Variants in POTEF observed in about 807,000 individuals in gnomAD.
POTEF encodes the protein ANKRD26-like family C member 1B.
Under a neutral mutation model 83.2 loss-of-function variants are expected in POTEF, and 20 were observed. The observed-to-expected ratio is 0.24, with a 90% CI of 0.17 to 0.35. The LOEUF (loss-of-function observed/expected upper bound fraction) is 0.35. Among genes scored for constraint, POTEF ranks in the 10% least tolerant of loss-of-function variants. POTEF has a pLI of 1.00. For missense variants in POTEF, 550 were observed against 1,203.2 expected, an observed-to-expected ratio of 0.46 and a Z score of 8.03; for synonymous variants, 196 against 446.4, an observed-to-expected ratio of 0.44 and a Z score of 7.07.
chr2:130,125,736 T>C (rs1379407826), intron 2 of POTEF, among the ~76,000 whole-genome samples: 1 of 151,916 alleles, frequency 6.6e-6, no homozygotes, highest in Non-Finnish European at 1.5e-5. Context: ...TGAAACCCCA[T>C]CTCTACTAAA....
chr2:130,108,292 A>T (rs1460992516), intron 7 of POTEF, among the ~76,000 whole-genome samples: 4 of 151,276 alleles, frequency 2.6e-5, no homozygotes, highest in Non-Finnish European at 2.9e-5. Context: ...TCATAAATCG[A>T]GGGCACTGTG....
chr2:130,105,459 T>G (rs1684498966), intron 8 of POTEF, among the ~76,000 whole-genome samples: 1 of 151,534 alleles, frequency 6.6e-6, no homozygotes, highest in African/African-American at 2.4e-5. Flanking sequence ...CTTTGTCTCC[T>G]GGTTTCTTTA....
rs556688388 is a variant in POTEF at position 130,128,374 on chromosome 2, G to A, written c.-249-510C>T. 1.4e-4 allele frequency among the ~76,000 whole-genome samples: 22 copies of A among 152,016 alleles called. No individual in the cohort carries two copies. In the South Asian group the frequency reaches 2.3e-3, roughly 16 times the overall value. On this transcript the variant is annotated intron_variant, in intron 1 of 16. Transcript: ENST00000409914. ...AGTCTGGAAAAGAGAAGAGTCACCC[G>A]AAGGAGCAAGGAGACCATGGCTGTT...
chr2:130,104,966 C>T (rs1305474316), intron 8 of POTEF, among the ~76,000 whole-genome samples: 2 of 150,868 alleles, frequency 1.3e-5, no homozygotes, highest in Admixed American at 6.6e-5. Context: ...CATAGAAAAA[C>T]ATTAGTCATT....
chr2:130,127,324 C>CAAAAAA (rs57173649), intron 2 of POTEF, among the ~76,000 whole-genome samples: 1 of 12,442 alleles, frequency 8.0e-5, no homozygotes, highest in African/African-American at 3.3e-4. Flanking sequence ...GACTCTGTCT[C>CAAAAAA]AAAAAAAAAA....
intron 3 of POTEF, among the ~76,000 whole-genome samples, chr2:130,117,289 A>G (rs538849829): frequency 2.9e-4 from 44 of 152,088 alleles, no homozygotes; most frequent in Admixed American, 1.2e-3. Flanking sequence ...GAAGAGGGTA[A>G]AAGTTCACGG....
At chr2:130,111,184 C>A (rs943702428) in intron 6 of POTEF, among the ~76,000 whole-genome samples, 2 of 150,704 alleles carry the variant, frequency 1.3e-5, no homozygotes, top group African/African-American at 2.5e-5. Flanking sequence ...CTTACTTATG[C>A]ACAGCCAACT....
chr2:130,075,399 T>G lies in POTEF; in HGVS notation c.2073A>C (p.Leu691Phe). The G allele has an allele frequency of 6.2e-7, 1 of 1,611,748 alleles. No individual in the cohort carries two copies. Among genetic ancestry groups the G allele is most frequent in the Admixed American group, 1.7e-5 (1 of 59,964 alleles). Residue 691 changes from leucine (L) to phenylalanine (F), a missense_variant, in exon 17 of 17, where the codon TTA (leucine) becomes TTC (phenylalanine). Transcript: ENST00000409914. ...TGAGCTCATTCAATTGTAGAGCCTT[T>G]AAAAGATTATCATTCCTTTTTTTCA... is the stretch of plus-strand genomic sequence containing the variant. ...ESVKKRNDNL[L>F]KALQLNELTM...
rs187640440 is a variant in POTEF at position 130,114,292 on chromosome 2, C to T, written c.810+589G>A. Among the ~76,000 whole-genome samples the T allele has an allele frequency of 2.0e-3, 298 of 151,970 alleles. 6 individuals are homozygous for T. Among genetic ancestry groups the T allele is most frequent in the African/African-American group, 6.7e-3 (278 of 41,302 alleles). On this transcript the variant is annotated intron_variant, in intron 5 of 16. Coordinates refer to ENST00000409914, the MANE Select transcript of POTEF (RefSeq NM_001099771.2). Reference sequence around the variant, plus strand: ...AAGGAAACAAATCAGTCAACAACAACAACAACACACACACACACAACCTCT... The same window carrying T: ...AAGGAAACAAATCAGTCAACAACAATAACAACACACACACACACAACCTCT...
In POTEF at chr2:130,107,377, C is replaced by A. The variant is rs529219425; in HGVS notation, c.1126+632G>T. ...ATTGGGACAAGCATATGTAACATGA[C>A]TTGTGCTTCAGTGTTCTTTTGTGAT... On this transcript the variant is annotated intron_variant, in intron 8 of 16. Transcript: ENST00000409914. Among the ~76,000 whole-genome samples the A allele has an allele frequency of 2.5e-3, 377 of 151,036 alleles. 25 individuals are homozygous for A. Among genetic ancestry groups the A allele is most frequent in the African/African-American group, 8.8e-3 (356 of 40,416 alleles).
At chr2:130,128,326 G>A (rs1248744621) in intron 1 of POTEF, among the ~76,000 whole-genome samples, 1 of 151,916 alleles carries the variant, frequency 6.6e-6, no homozygotes, top group African/African-American at 2.4e-5. Context: ...CCCTGCTCAA[G>A]ATTGCACCAG....
chr2:130,113,981 G>T (rs1573612607), intron 5 of POTEF, among the ~76,000 whole-genome samples: 2 of 152,112 alleles, frequency 1.3e-5, no homozygotes. Context: ...ACTTGATCTT[G>T]TTACTTGTTT....
At chr2:130,119,068 C>T (rs2104826248) in intron 3 of POTEF, among the ~76,000 whole-genome samples, 1 of 151,844 alleles carries the variant, frequency 6.6e-6, no homozygotes, top group African/African-American at 2.4e-5. Flanking sequence ...ATTAATTTAT[C>T]ACAATAATAA....
chr2:130,119,186 C>CG (rs1684929644), intron 3 of POTEF, among the ~76,000 whole-genome samples: 1 of 138,596 alleles, frequency 7.2e-6, no homozygotes, highest in Admixed American at 7.4e-5. Context: ...TTTTTTGAAA[C>CG]GGAGTCTCGC....
rs1424343157 is a variant in POTEF at position 130,125,540 on chromosome 2, TAA to T, written c.-94+2167_-94+2168del. 2.0e-5 allele frequency among the ~76,000 whole-genome samples: 3 copies of T among 149,322 alleles called. No individual in the cohort carries two copies. In the South Asian group the frequency reaches 6.3e-4, roughly 32 times the overall value. On this transcript the variant is annotated intron_variant, in intron 2 of 16. Coordinates refer to ENST00000409914, the MANE Select transcript of POTEF (RefSeq NM_001099771.2). ...TCTAGAGGAATCAGTAAAATAAAGA[TAA>T]AAAGTTCACACCTAAAGTAGTAATA... is the stretch of plus-strand genomic sequence containing the variant.
intron 3 of POTEF, among the ~76,000 whole-genome samples, chr2:130,116,012 G>T (rs1052485565): frequency 7.6e-4 from 115 of 152,152 alleles, no homozygotes; most frequent in Non-Finnish European, 1.3e-3. Flanking sequence ...TGTCTTACAT[G>T]AAGTAGAATA....
chr2:130,107,411 C>A lies in POTEF; in HGVS notation c.1126+598G>T, dbSNP rs1467115704. The stretch of plus-strand genomic sequence containing the variant: ...CAGTGTTCTTTTGTGATCAAAAATT[C>A]CTTACTTTTACTTTTTTATCTATGG... On this transcript the variant is annotated intron_variant, in intron 8 of 16. Coordinates refer to ENST00000409914, the MANE Select transcript of POTEF (RefSeq NM_001099771.2). Among the ~76,000 whole-genome samples the A allele has an allele frequency of 6.6e-5, 10 of 150,738 alleles. 1 individual carries two copies. The highest frequency in any genetic ancestry group is 8.8e-5 in the Non-Finnish European group (6 of 67,992).
chr2:130,113,977 T>A (rs1314937414), intron 5 of POTEF, among the ~76,000 whole-genome samples: 2 of 152,022 alleles, frequency 1.3e-5, no homozygotes, highest in Non-Finnish European at 2.9e-5. Flanking sequence ...TCCAACTTGA[T>A]CTTGTTACTT....
Position 130,074,977 on chromosome 2 carries a change from A to G in POTEF, c.2495T>C (p.Met832Thr), listed in dbSNP as rs1393863844. Reference sequence around the variant, plus strand: ...CAGCACAGCCTGGATGGCCACGTACATGGCTGGGGTGTTGAAGGTCTCAAA... The same window carrying G: ...CAGCACAGCCTGGATGGCCACGTACGTGGCTGGGGTGTTGAAGGTCTCAAA... ...IMFETFNTPA[M>T]YVAIQAVLSL... Residue 832 changes from methionine to threonine, a missense_variant, in exon 17 of 17, where the codon ATG (methionine) becomes ACG (threonine). Physicochemically the swap from Met to Thr is moderately conservative, Grantham distance 81. Transcript: ENST00000409914. 9 of 1,612,386 alleles carry G rather than the reference A, an allele frequency of 5.6e-6. No homozygotes were observed. The highest frequency in any genetic ancestry group is 5.0e-5 in the Admixed American group (3 of 59,776).
Sources: gnomAD v4.1 joint callset for allele counts (sites outside exome capture counted in the v4.1 genomes callset) on GRCh38, gnomAD v4.1.1 for gene constraint, MANE v1.5 for transcripts, NCBI Gene and HGNC (gene_info 2026-07-23, HGNC 2026-07-21) for gene names.